Variants in SH2D1A observed in about 807,000 individuals in gnomAD.
SH2D1A encodes the protein SH2 domain-containing protein 1A.
Under a neutral mutation model 10.1 loss-of-function variants are expected in SH2D1A, and 6 were observed. That is an observed-to-expected ratio of 0.60 (90% CI 0.33 to 1.18). The LOEUF (loss-of-function observed/expected upper bound fraction) is 1.18. SH2D1A is among the 50% of genes most tolerant of loss of function. The pLI is 0.04. For missense variants in SH2D1A, 51 were observed against 97.6 expected (o/e 0.52, Z 2.01); for synonymous variants, 42 against 36.9 (o/e 1.14, Z -0.51).
rs73634514 is a variant in SH2D1A at position 124,370,434 on chromosome X, A to G, written c.346+114A>G. On this transcript the variant is annotated intron_variant, in intron 3 of 3. Coordinates refer to ENST00000371139, the MANE Select transcript of SH2D1A (RefSeq NM_002351.5). ...TGTAAGAAAAATGCAGTGAGAAAGT[A>G]GATGTAGCCAGCAAGTCAAATGAGA... 0.01 allele frequency: 6,316 copies of G among 604,837 alleles called. 268 individuals carry two copies. In the African/African-American group the frequency reaches 0.12, roughly 12 times the overall value. 49.8% of individuals were successfully genotyped at this position (604,837 alleles called of 1,213,427 possible). A position where few individuals can be genotyped will look rare whatever the true frequency, so the allele number is the denominator to read the frequency against.
At chrX:124,352,246 T>C (rs2060016888) in intron 1 of SH2D1A, among the ~76,000 whole-genome samples, 1 of 111,464 alleles carries the variant, frequency 9.0e-6, no homozygotes, top group Non-Finnish European at 1.9e-5. Flanking sequence ...AATTTATAAA[T>C]ACAACTTCCA....
chrX:124,363,458 G>A (rs894912057), intron 1 of SH2D1A, among the ~76,000 whole-genome samples: 11 of 111,349 alleles, frequency 9.9e-5, no homozygotes, highest in African/African-American at 3.3e-4. Context: ...TACAATGGTG[G>A]TCCCATAAGA....
At chrX:124,353,706 T>C (rs1301367558) in intron 1 of SH2D1A, among the ~76,000 whole-genome samples, 1 of 112,274 alleles carries the variant, frequency 8.9e-6, no homozygotes, top group Non-Finnish European at 1.9e-5. Context: ...ATAGTTGGCA[T>C]CCTTCTGGAC....
At chrX:124,366,744 TAA>T (rs1401890796) in intron 2 of SH2D1A, among the ~76,000 whole-genome samples, 2 of 111,219 alleles carry the variant, frequency 1.8e-5, no homozygotes, top group Non-Finnish European at 3.8e-5. Flanking sequence ...TAACTAAAGA[TAA>T]AGTTATACCA....
Position 124,364,512 on chromosome X carries a change from GTT to G in SH2D1A, c.138-1238_138-1237del, listed in dbSNP as rs60637596. 2.5e-3 allele frequency: 502 copies of G among 203,529 alleles called. 2 individuals are homozygous for G. The highest frequency in any genetic ancestry group is 2.6e-3 in the South Asian group (45 of 17,554). 16.8% of individuals were successfully genotyped at this position (203,529 alleles called of 1,213,427 possible). On this transcript the variant is annotated intron_variant, in intron 1 of 3. Transcript: ENST00000371139. Reference sequence around the variant, plus strand: ...ATTAATTTATTATTGAAGCGATACAGTTTTTTTTTTTTGAGACAATCTCGCTC... The same window carrying G: ...ATTAATTTATTATTGAAGCGATACAGTTTTTTTTTTGAGACAATCTCGCTC...
At chrX:124,355,041 C>T (rs916407416) in intron 1 of SH2D1A, among the ~76,000 whole-genome samples, 15 of 112,450 alleles carry the variant, frequency 1.3e-4, no homozygotes, top group African/African-American at 4.5e-4. Flanking sequence ...AGTTCTGAAA[C>T]GTTTGTTAAA....
At chrX:124,363,875 A>G (rs2060046400) in intron 1 of SH2D1A, among the ~76,000 whole-genome samples, 3 of 85,862 alleles carry the variant, frequency 3.5e-5, no homozygotes, top group Admixed American at 1.6e-4. Flanking sequence ...TGGGCAACAG[A>G]GCGAGACTCT....
intron 1 of SH2D1A, among the ~76,000 whole-genome samples, chrX:124,350,142 C>A (rs1303802829): frequency 1.4e-5 from 1 of 69,113 alleles, no homozygotes; most frequent in African/African-American, 5.6e-5. Flanking sequence ...AGGGCAAACA[C>A]CAAATGTTAT....
chrX:124,352,643 T>C (rs937282429), intron 1 of SH2D1A, among the ~76,000 whole-genome samples: 8 of 112,084 alleles, frequency 7.1e-5, no homozygotes, highest in Non-Finnish European at 1.3e-4. Flanking sequence ...TTCAATTGTA[T>C]ATGCATAGCA....
intron 2 of SH2D1A, 94 bp downstream of exon 2, chrX:124,365,918 T>G: frequency 3.5e-6 from 2 of 573,851 alleles, no homozygotes; most frequent in South Asian, 4.7e-5. Flanking sequence ...CATTATTAAG[T>G]ATTCATAAGG....
At chrX:124,361,519 G>A (rs943346005) in intron 1 of SH2D1A, among the ~76,000 whole-genome samples, 1 of 111,759 alleles carries the variant, frequency 8.9e-6, no homozygotes, top group Non-Finnish European at 1.9e-5. Context: ...AATGAGTAGA[G>A]GCTGGAGGAG....
chrX:124,363,028 T>A (rs141189233), intron 1 of SH2D1A, among the ~76,000 whole-genome samples: 2,995 of 111,351 alleles, frequency 0.027, 91 homozygotes, highest in African/African-American at 0.092. Flanking sequence ...TCTTGGACTT[T>A]CCAGCCTCCA....
intron 2 of SH2D1A, among the ~76,000 whole-genome samples, chrX:124,366,876 A>ACAC (rs758558659): frequency 1.1e-5 from 1 of 87,089 alleles, no homozygotes; most frequent in Non-Finnish European, 2.3e-5. Flanking sequence ...TATACTGACA[A>ACAC]ACACACACAC....
At chrX:124,362,284 C>G (rs747805600) in intron 1 of SH2D1A, among the ~76,000 whole-genome samples, 1 of 112,283 alleles carries the variant, frequency 8.9e-6, no homozygotes, top group South Asian at 3.7e-4. Flanking sequence ...TAGGTGGGGC[C>G]ATCACCCTAG....
At chrX:124,369,593 A>C (rs2060064484) in intron 2 of SH2D1A, among the ~76,000 whole-genome samples, 1 of 112,176 alleles carries the variant, frequency 8.9e-6, no homozygotes, top group African/African-American at 3.2e-5. Flanking sequence ...TTTAATGTGA[A>C]GAATGGCGCA....
At chrX:124,350,084 G>A (rs1385474587) in intron 1 of SH2D1A, among the ~76,000 whole-genome samples, 2 of 89,632 alleles carry the variant, frequency 2.2e-5, no homozygotes, top group African/African-American at 4.1e-5. Flanking sequence ...TACGAGTGAC[G>A]TATTTGACTA....
At position 124,372,038 on chromosome X, in the gene SH2D1A, G is replaced by A. The variant is rs770056649; in HGVS notation, c.*647G>A. 22 of 158,079 alleles carry A rather than the reference G, an allele frequency of 1.4e-4. No individual in the cohort carries two copies. In the South Asian group the frequency reaches 3.3e-3, roughly 23 times the overall value. The allele number at this position is 158,079 out of a possible 1,213,427, so 13.0% of individuals were successfully genotyped here. On this transcript the variant is annotated 3_prime_UTR_variant, in exon 4 of 4. Coordinates refer to ENST00000371139, the MANE Select transcript of SH2D1A (RefSeq NM_002351.5). ...AAAATATGCTCTAAACATGTTTATCGTATTTGATGCTACAGGATTTGAAAT... is the reference window on the plus strand; with the variant it reads ...AAAATATGCTCTAAACATGTTTATCATATTTGATGCTACAGGATTTGAAAT...
chrX:124,360,600 TAA>T (rs57948305), intron 1 of SH2D1A, among the ~76,000 whole-genome samples: 2 of 30,796 alleles, frequency 6.5e-5, no homozygotes, highest in African/African-American at 1.5e-4. Context: ...AAGACACCAT[TAA>T]AAAAAAAAAA....
chrX:124,359,077 TGGA>T (rs2060033197), intron 1 of SH2D1A, among the ~76,000 whole-genome samples: 1 of 111,459 alleles, frequency 9.0e-6, no homozygotes, highest in African/African-American at 3.3e-5. Context: ...ATTCAGAAAT[TGGA>T]GGGGTTGTGG....
Sources: allele counts gnomAD v4.1 joint callset (sites outside exome capture counted in the v4.1 genomes callset), GRCh38; gene constraint gnomAD v4.1.1; transcripts MANE v1.5; gene names NCBI Gene and HGNC (gene_info 2026-07-23, HGNC 2026-07-21).